The following AFF3 variants were observed in gnomAD, a reference collection of about 807,000 sequenced individuals.
AFF3 encodes the protein ALF transcription elongation factor 3, also known as AF4/FMR2 family member 3.
Under a neutral mutation model 129.7 loss-of-function variants are expected in AFF3, and 32 were observed. The observed-to-expected ratio is 0.25, with a 90% CI of 0.19 to 0.33. The LOEUF is 0.33. AFF3 is among the 10% of genes least tolerant of loss of function. The pLI is 1.00. For synonymous variants in AFF3, 644 were observed against 635.4 expected (o/e 1.01, Z -0.20); for missense variants, 1,373 against 1,592.0 (o/e 0.86, Z 2.34).
At chr2:99,775,319 T>C (rs1423001154) in intron 8 of AFF3, among the ~76,000 whole-genome samples, 2 of 152,196 alleles carry the variant, frequency 1.3e-5, no homozygotes, top group African/African-American at 4.8e-5. Context: ...TGCCCATCAA[T>C]GATAGACTGA....
chr2:99,633,800 T>C (rs1027526915), intron 13 of AFF3, among the ~76,000 whole-genome samples: 3 of 151,988 alleles, frequency 2.0e-5, no homozygotes, highest in African/African-American at 7.3e-5. Flanking sequence ...TTCTCTACCA[T>C]GTTTGGATGC....
At chr2:99,778,887 T>C (rs538438100) in intron 8 of AFF3, among the ~76,000 whole-genome samples, 2 of 40,344 alleles carry the variant, frequency 5.0e-5, no homozygotes, top group East Asian at 2.0e-3. Context: ...TGTGTGTGTG[T>C]GTGTGTGCGC....
intron 7 of AFF3, among the ~76,000 whole-genome samples, chr2:99,968,221 C>G (rs1677984062): frequency 6.6e-6 from 1 of 152,226 alleles, no homozygotes; most frequent in African/African-American, 2.4e-5. Flanking sequence ...CCATCCTGTT[C>G]TTCTGGCCTC....
intron 7 of AFF3, among the ~76,000 whole-genome samples, chr2:99,883,757 A>G (rs987650107): frequency 2.0e-5 from 3 of 152,256 alleles, no homozygotes; most frequent in Non-Finnish European, 4.4e-5. Flanking sequence ...CTACTGAGTC[A>G]GCAAGGAACT....
At chr2:99,620,321 T>C (rs1317267754) in intron 13 of AFF3, among the ~76,000 whole-genome samples, 2 of 152,096 alleles carry the variant, frequency 1.3e-5, no homozygotes, top group African/African-American at 2.4e-5. Flanking sequence ...TCGATAAATG[T>C]ATACTTAATT....
chr2:99,676,390 C>T (rs1364105388), intron 11 of AFF3, among the ~76,000 whole-genome samples: 1 of 152,074 alleles, frequency 6.6e-6, no homozygotes, highest in African/African-American at 2.4e-5. Flanking sequence ...GGCTGTGGAC[C>T]GTGGTAGTCA....
At chr2:99,826,533 G>A (rs1430030621) in intron 8 of AFF3, among the ~76,000 whole-genome samples, 3 of 152,192 alleles carry the variant, frequency 2.0e-5, no homozygotes, top group Admixed American at 2.0e-4. Flanking sequence ...AGTGAGGCTT[G>A]GAAGATATGC....
intron 4 of AFF3, among the ~76,000 whole-genome samples, chr2:100,068,694 T>G (rs1440319337): frequency 6.6e-6 from 1 of 152,150 alleles, no homozygotes; most frequent in Non-Finnish European, 1.5e-5. Context: ...ACTCAGAGGC[T>G]CATCTCCTCT....
chr2:99,627,560 A>C (rs984890355), intron 13 of AFF3, among the ~76,000 whole-genome samples: 2 of 152,226 alleles, frequency 1.3e-5, no homozygotes, highest in Non-Finnish European at 2.9e-5. Flanking sequence ...TTTGCTGTGC[A>C]GAAGCTCTTT....
intron 4 of AFF3, among the ~76,000 whole-genome samples, chr2:100,058,670 A>G (rs1194065888): frequency 6.6e-6 from 1 of 152,166 alleles, no homozygotes; most frequent in Admixed American, 6.5e-5. Context: ...CTCGTACTAT[A>G]AACAAAAATT....
chr2:99,878,258 G>C (rs1441637422), intron 7 of AFF3, among the ~76,000 whole-genome samples: 11 of 152,188 alleles, frequency 7.2e-5, no homozygotes, highest in Non-Finnish European at 1.2e-4. Context: ...CCTTGGAACA[G>C]AATTCTTTTG....
Position 99,558,929 on chromosome 2 carries a change from T to C in AFF3, c.3231A>G (p.Arg1077=). ...ACTTTACAGCGTGGTCCCTTTTGAG[T>C]CGAAACATCCGCCAGTACAGGAGGG... is the stretch of plus-strand genomic sequence containing the variant. The part of the protein sequence containing the change: ...CLALLYWRMF[R]LKRDHAVKYS... The change falls in exon 22 of 25, where the codon CGA becomes CGG. Residue 1077 remains arginine (R), a synonymous_variant. Transcript: ENST00000672756. 1.2e-6 allele frequency: 2 copies of C among 1,614,062 alleles called. No individual in the cohort carries two copies. Among genetic ancestry groups the C allele is most frequent in the Non-Finnish European group, 8.5e-7 (1 of 1,180,010 alleles).
intron 7 of AFF3, among the ~76,000 whole-genome samples, chr2:99,846,670 A>T (rs1689748857): frequency 6.6e-6 from 1 of 152,254 alleles, no homozygotes; most frequent in South Asian, 2.1e-4. Context: ...AGTAAGATGG[A>T]TAATCAATTC....
chr2:99,894,992 A>C (rs1693837950), intron 7 of AFF3, among the ~76,000 whole-genome samples: 1 of 152,240 alleles, frequency 6.6e-6, no homozygotes, highest in South Asian at 2.1e-4. Flanking sequence ...CCTTTCATTC[A>C]GCATTTCTCG....
intron 8 of AFF3, among the ~76,000 whole-genome samples, chr2:99,785,643 T>C (rs887584923): frequency 3.3e-5 from 5 of 152,246 alleles, no homozygotes; most frequent in Non-Finnish European, 7.3e-5. Flanking sequence ...GCTGTCTCCT[T>C]CCAGTGAATA....
At chr2:99,993,592 G>A (rs1255042408) in intron 7 of AFF3, among the ~76,000 whole-genome samples, 1 of 151,498 alleles carries the variant, frequency 6.6e-6, no homozygotes, top group African/African-American at 2.4e-5. Context: ...ACGAGAGAGA[G>A]TTGGAAACAA....
At chr2:99,607,511 G>A (rs1326694506) in intron 13 of AFF3, among the ~76,000 whole-genome samples, 1 of 151,074 alleles carries the variant, frequency 6.6e-6, no homozygotes, top group Non-Finnish European at 1.5e-5. Context: ...CAGCCTGGGC[G>A]ACAGTGTGAG....
At chr2:100,133,188 C>CCT (rs1692495565) in intron 1 of AFF3, among the ~76,000 whole-genome samples, 1 of 151,646 alleles carries the variant, frequency 6.6e-6, no homozygotes, top group African/African-American at 2.4e-5. Flanking sequence ...ATCACTTGAG[C>CCT]CCAGGAGTTG....
chr2:99,907,226 T>C (rs1694780118), intron 7 of AFF3, among the ~76,000 whole-genome samples: 1 of 152,196 alleles, frequency 6.6e-6, no homozygotes, highest in African/African-American at 2.4e-5. Context: ...CACTCGTGTT[T>C]ATCATGTCAT....
Sources: allele counts gnomAD v4.1 joint callset (sites outside exome capture counted in the v4.1 genomes callset), GRCh38; gene constraint gnomAD v4.1.1; transcripts MANE v1.5; gene names NCBI Gene and HGNC (gene_info 2026-07-23, HGNC 2026-07-21).